The following PIEZO1 variants were observed in gnomAD, a reference collection of about 807,000 sequenced individuals.
The protein encoded by PIEZO1 is piezo type mechanosensitive ion channel component 1 (Er blood group).
A neutral mutation model predicts 297.2 loss-of-function variants in PIEZO1; 296 were observed. The observed-to-expected ratio is 1.00, with a 90% CI of 0.91 to 1.10. The LOEUF (loss-of-function observed/expected upper bound fraction) is 1.10, where lower values mean the gene tolerates loss of function less well. Ranked by LOEUF, PIEZO1 falls within the 50% of genes least tolerant of loss-of-function variation. PIEZO1 has a pLI of 0.00. For missense variants in PIEZO1, 5,018 were observed against 3,455.5 expected (o/e 1.45, Z -11.34); for synonymous variants, 2,427 against 1,507.5 (o/e 1.61, Z -14.13).
chr16:88,752,070 C>T (rs775172184), intron 1 of PIEZO1, among the ~76,000 whole-genome samples: 30 of 152,128 alleles, frequency 2.0e-4, no homozygotes, highest in Non-Finnish European at 1.8e-4. Context: ...GAGGTGGTGC[C>T]GTGCGTGCAG....
chr16:88,741,548 G>C lies in PIEZO1; in HGVS notation c.395C>G (p.Ser132Cys). The C allele has an allele frequency of 6.5e-7, 1 of 1,535,800 alleles. No individual in the cohort carries two copies. ...CCCGCAGATGCCGAGGCAGACAGAG[G>C]AGACCACCAAGATGCCCAGGTCAGG... ...VAPDLGILVV[S>C]SVCLGICGRL... The change falls in exon 5 of 51, where the codon TCC becomes TGC. Residue 132 changes from serine (S) to cysteine (C), a missense_variant. By Grantham distance (112) the Ser-to-Cys change is moderately radical. Transcript: ENST00000301015.
intron 22 of PIEZO1, among the ~76,000 whole-genome samples, chr16:88,729,505 C>T (rs1278703739): frequency 1.6e-5 from 2 of 124,612 alleles, no homozygotes; most frequent in African/African-American, 2.9e-5. Flanking sequence ...AAGTGACCCT[C>T]GATGCTGGGG....
chr16:88,728,574 G>C (rs1904620355), intron 22 of PIEZO1, among the ~76,000 whole-genome samples: 1 of 93,162 alleles, frequency 1.1e-5, no homozygotes, highest in African/African-American at 4.2e-5. Context: ...GACCCTCGAT[G>C]TTGGGGAACC....
intron 30 of PIEZO1, 125 bp downstream of exon 30, chr16:88,724,884 G>A: frequency 3.3e-6 from 2 of 614,042 alleles, no homozygotes; most frequent in South Asian, 2.6e-5. Context: ...GGAGGCCTGA[G>A]CACGTCCTGA....
intron 29 of PIEZO1, 24 bp downstream of exon 29, chr16:88,725,392 G>C: frequency 7.4e-7 from 1 of 1,348,708 alleles, no homozygotes; most frequent in Non-Finnish European, 9.8e-7. Context: ...GGGGCCCTGG[G>C]TGCCCGACTC....
chr16:88,780,729 G>A (rs564920897), intron 1 of PIEZO1, among the ~76,000 whole-genome samples: 1 of 152,376 alleles, frequency 6.6e-6, no homozygotes, highest in African/African-American at 2.4e-5. Context: ...TGGAGGCTGA[G>A]GCGGGCAGAT....
At chr16:88,722,784 C>G in intron 34 of PIEZO1, 53 bp downstream of exon 34, 3 of 1,532,078 alleles carry the variant, frequency 2.0e-6, no homozygotes, top group Non-Finnish European at 2.6e-6. Flanking sequence ...GTTAAGCAGG[C>G]AGGGGCGTAG....
rs914531096 is a variant in PIEZO1, at chr16:88,761,093, G to A, written c.65-11614C>T. On this transcript the variant is annotated intron_variant, in intron 1 of 50. Transcript: ENST00000301015. Reference sequence around the variant, plus strand: ...GGTTTGCAGGGCAGGGTGGGGGTCCGTCTGTGAAGAAGGTGACTGTGCAGG... The same window carrying A: ...GGTTTGCAGGGCAGGGTGGGGGTCCATCTGTGAAGAAGGTGACTGTGCAGG... Among the ~76,000 whole-genome samples, 5 of 152,210 alleles carry A rather than the reference G, an allele frequency of 3.3e-5. No individual in the cohort carries two copies. The South Asian group carries it at 8.3e-4, about 25-fold the overall frequency.
In PIEZO1 at chr16:88,732,731, G is replaced by T. The variant is rs1438591742; in HGVS notation, c.2666C>A (p.Pro889His). 1 of 1,545,260 alleles carries T rather than the reference G, an allele frequency of 6.5e-7. No homozygotes were observed. Among genetic ancestry groups the T allele is most frequent in the Non-Finnish European group, 8.7e-7 (1 of 1,143,988 alleles). Residue 889 changes from proline (P) to histidine (H), a missense_variant and splice_region_variant, in exon 20 of 51, where the codon CCC (proline) becomes CAC (histidine). Transcript: ENST00000301015. The stretch of plus-strand genomic sequence containing the variant: ...CAGCAAGTTGGTGCTGTTGGGGAAG[G>T]GCTGGCAAGAGGCCAGGCATCAGTG... Reference protein sequence around the residue: ...PQEYSSNCTEPFPNSTNLLPT... With the variant: ...PQEYSSNCTEHFPNSTNLLPT...
Position 88,719,914 on chromosome 16 carries a change from A to G in PIEZO1, c.6211T>C (p.Cys2071Arg), listed in dbSNP as rs2142759722. Residue 2071 changes from cysteine (C) to arginine (R), a missense_variant, in exon 43 of 51, where the codon TGC becomes CGC. Physicochemically the swap from Cys to Arg is radical, Grantham distance 180. Coordinates refer to ENST00000301015, the MANE Select transcript of PIEZO1 (RefSeq NM_001142864.4). ...VVAQLWYFVK[C>R]IYFALSAYQI... Reference sequence around the variant, plus strand: ...TAGGCGGACAGGGCGAAGTAGATGCACTTCACGAAGTACCAGAGCTGGGCC... The same window carrying G: ...TAGGCGGACAGGGCGAAGTAGATGCGCTTCACGAAGTACCAGAGCTGGGCC... 6.4e-7 allele frequency: 1 copy of G among 1,550,406 alleles called. No individual in the cohort carries two copies. Among genetic ancestry groups the G allele is most frequent in the Middle Eastern group, 1.7e-4 (1 of 5,992 alleles).
In PIEZO1 at chr16:88,722,415, G is replaced by A. The variant is rs1904286483; in HGVS notation, c.4776-18C>T. 6.7e-7 allele frequency: 1 copy of A among 1,484,410 alleles called. No homozygotes were observed. The highest frequency in any genetic ancestry group is 9.0e-7 in the Non-Finnish European group (1 of 1,113,246). The allele number at this position is 1,484,410 out of a possible 1,614,324, so 92.0% of individuals were successfully genotyped here. ...CCAGCCCACTGGGGAGGGAAGCCGAGTCACAGAGAATCCTGCTCTATGGCC... is the reference window on the plus strand; with the variant it reads ...CCAGCCCACTGGGGAGGGAAGCCGAATCACAGAGAATCCTGCTCTATGGCC... On this transcript the variant is annotated intron_variant, in intron 35 of 50. Transcript: ENST00000301015.
intron 1 of PIEZO1, among the ~76,000 whole-genome samples, chr16:88,776,043 G>A (rs1907647074): frequency 6.6e-6 from 1 of 152,242 alleles, no homozygotes; most frequent in Non-Finnish European, 1.5e-5. Flanking sequence ...CTCAGAGCCA[G>A]GCCCACGGGC....
chr16:88,745,492 C>G (rs1350943570), intron 2 of PIEZO1: 1 of 152,190 alleles, frequency 6.6e-6, no homozygotes, highest in African/African-American at 2.4e-5. Flanking sequence ...CGTGGTGGTT[C>G]ACACCTTTGG....
At chr16:88,773,676 G>A (rs921983009) in intron 1 of PIEZO1, among the ~76,000 whole-genome samples, 2 of 150,832 alleles carry the variant, frequency 1.3e-5, no homozygotes, top group African/African-American at 2.5e-5. Flanking sequence ...GACAGCAGCT[G>A]CCTACTGGGT....
Position 88,722,323 on chromosome 16 carries a change from G to C in PIEZO1, c.4850C>G (p.Thr1617Arg). 1 of 1,545,704 alleles carries C rather than the reference G, an allele frequency of 6.5e-7. No homozygotes were observed. Among genetic ancestry groups the C allele is most frequent in the Non-Finnish European group, 8.7e-7 (1 of 1,145,228 alleles). ...MGSPLSTGYH[T>R]RSGSEEAVTD... The stretch of plus-strand genomic sequence containing the variant: ...GACTGCCTCCTCACTGCCACTGCGC[G>C]TGTGGTAGCCGGTGCTCAGGGGGCT... The change falls in exon 36 of 51, where the codon ACG becomes AGG. Residue 1617 changes from threonine (T) to arginine (R), a missense_variant. By Grantham distance (71) the Thr-to-Arg change is moderately conservative (BLOSUM62 -1). Coordinates refer to ENST00000301015, the MANE Select transcript of PIEZO1 (RefSeq NM_001142864.4).
chr16:88,720,448 G>T lies in PIEZO1; in HGVS notation c.5886C>A (p.Ala1962=). 1 of 1,550,492 alleles carries T rather than the reference G, an allele frequency of 6.4e-7. No individual in the cohort carries two copies. The highest frequency in any genetic ancestry group is 8.7e-7 in the Non-Finnish European group (1 of 1,146,960). ...TKYRAATDVY[A]LMFLADVVDF... ...CGACAACATCAGCCAGGAACATGAG[G>T]GCATAGACGTCGGTGGCTGCGCGGT... Residue 1962 remains alanine, a synonymous_variant, in exon 41 of 51, where the codon GCC becomes GCA. Coordinates refer to ENST00000301015, the MANE Select transcript of PIEZO1 (RefSeq NM_001142864.4).
intron 42 of PIEZO1, 26 bp downstream of exon 42, chr16:88,720,043 C>A: frequency 6.5e-7 from 1 of 1,549,780 alleles, no homozygotes; most frequent in Non-Finnish European, 8.7e-7. Flanking sequence ...CCCCTGGAGA[C>A]CGAGCGCCCC....
intron 1 of PIEZO1, among the ~76,000 whole-genome samples, chr16:88,776,726 G>C (rs1305080832): frequency 6.6e-6 from 1 of 152,242 alleles, no homozygotes; most frequent in Non-Finnish European, 1.5e-5. Context: ...GCCAGGGCTT[G>C]GGGACAGGAC....
Position 88,737,792 on chromosome 16 carries a change from T to C in PIEZO1, c.1043A>G (p.Tyr348Cys), listed in dbSNP as rs1382010618. Reference sequence around the variant, plus strand: ...TGCTAGCTCCAGCTCCCGAGCCTCATACCCCTTTGCCGCCTCCTTCCTCTG... The same window carrying C: ...TGCTAGCTCCAGCTCCCGAGCCTCACACCCCTTTGCCGCCTCCTTCCTCTG... ...SGQRKEAAKG[Y>C]EARELELAEL... Residue 348 changes from tyrosine to cysteine, a missense_variant, in exon 9 of 51, where the codon TAT becomes TGT. Tyr to Cys is a radical substitution (Grantham distance 194, BLOSUM62 -2). Coordinates refer to ENST00000301015, the MANE Select transcript of PIEZO1 (RefSeq NM_001142864.4). 2.0e-6 allele frequency: 3 copies of C among 1,535,778 alleles called. No individual in the cohort carries two copies. The highest frequency in any genetic ancestry group is 2.4e-5 in the South Asian group (2 of 84,062).
Sources: allele counts gnomAD v4.1 joint callset (sites outside exome capture counted in the v4.1 genomes callset), GRCh38; gene constraint gnomAD v4.1.1; transcripts MANE v1.5; gene names NCBI Gene and HGNC (gene_info 2026-07-23, HGNC 2026-07-21).